The following ARMH1 variants were observed in gnomAD, a reference collection of about 807,000 sequenced individuals.
The protein encoded by ARMH1 is armadillo-like helical domain containing protein 1.
Under a neutral mutation model 50.2 loss-of-function variants are expected in ARMH1, and 34 were observed. The ratio of observed to expected loss-of-function variants is 0.68; its 90% CI spans 0.51 to 0.90. The LOEUF (loss-of-function observed/expected upper bound fraction) is 0.90. Among genes scored for constraint, ARMH1 ranks in the 40% least tolerant of loss-of-function variants. The pLI is 0.00. For synonymous variants in ARMH1, 221 were observed against 224.2 expected (o/e 0.99, Z 0.13); for missense variants, 538 against 553.9 (o/e 0.97, Z 0.29).
At chr1:44,686,398 G>T (rs895797405) in intron 1 of ARMH1, among the ~76,000 whole-genome samples, 2 of 152,198 alleles carry the variant, frequency 1.3e-5, no homozygotes, top group Non-Finnish European at 1.5e-5. Context: ...TTAACCTGCC[G>T]GGCACAGTGG....
chr1:44,704,291 T>C, intron 6 of ARMH1, 118 bp downstream of exon 6: 2 of 749,568 alleles, frequency 2.7e-6, no homozygotes, highest in Middle Eastern at 2.6e-4. Context: ...CCTTGGCAGA[T>C]GGAAGATGCT....
chr1:44,718,463 C>A (rs988489216), intron 6 of ARMH1, among the ~76,000 whole-genome samples: 6 of 152,230 alleles, frequency 3.9e-5, no homozygotes, highest in African/African-American at 1.4e-4. Flanking sequence ...CCGGTGCAGG[C>A]TACGGCTGCC....
intron 1 of ARMH1, among the ~76,000 whole-genome samples, chr1:44,678,049 G>A (rs1462924394): frequency 2.0e-5 from 3 of 152,154 alleles, no homozygotes; most frequent in Admixed American, 1.3e-4. Context: ...GACTGGAGAG[G>A]CTGAGGATGG....
rs190381026 is a variant in ARMH1 at position 44,725,171 on chromosome 1, C to G, written c.1164C>G (p.Ser388Arg). 1.9e-6 allele frequency: 3 copies of G among 1,551,922 alleles called. No individual in the cohort carries two copies. The highest frequency in any genetic ancestry group is 2.6e-6 in the Non-Finnish European group (3 of 1,147,052). ...AGGACTTGTACATGAAAATAGACAG[C>G]ATTCAGGCGGACATCTTGGCGGCCA... is the stretch of plus-strand genomic sequence containing the variant. ...NAEDLYMKID[S>R]IQADILAANT... The change falls in exon 11 of 12, where the codon AGC becomes AGG. Residue 388 changes from serine to arginine, a missense_variant. Physicochemically the swap from Ser to Arg is moderately radical, Grantham distance 110. Transcript: ENST00000535358.
At chr1:44,725,007 G>C (rs1557576806) in intron 10 of ARMH1, 129 bp from the exon 11 acceptor site, 29 of 1,511,904 alleles carry the variant, frequency 1.9e-5, no homozygotes, top group Non-Finnish European at 2.4e-5. Context: ...CCACCTTCCT[G>C]TTCCCTTTCC....
At chr1:44,689,206 TGC>T (rs1645575383) in intron 1 of ARMH1, 1 of 157,860 alleles carries the variant, frequency 6.3e-6, no homozygotes, top group African/African-American at 2.4e-5. Flanking sequence ...GGATTACAGG[TGC>T]CTGCCACCAC....
At position 44,689,876 on chromosome 1, in the gene ARMH1, TA is replaced by T. The variant is rs951610546; in HGVS notation, c.180del (p.Arg61AlafsTer2). ...TCCCAGGGAGCCAGTTTGTTCCTGG[TA>T]CGCTTGACCACCTCGCTTAGAATCA... ...EFSQGASLFL[V>X]RLTTSLRITY... On this transcript the variant is annotated frameshift_variant, in exon 2 of 12. Coordinates refer to ENST00000535358, the MANE Select transcript of ARMH1 (RefSeq NM_001145636.2). LOFTEE classifies it high-confidence loss of function. 145 of 1,550,726 alleles carry T rather than the reference TA, an allele frequency of 9.4e-5. No homozygotes were observed. Among genetic ancestry groups the T allele is most frequent in the Non-Finnish European group, 1.2e-4 (141 of 1,146,936 alleles).
intron 1 of ARMH1, among the ~76,000 whole-genome samples, chr1:44,678,620 G>C (rs1645209974): frequency 1.3e-5 from 2 of 152,102 alleles, no homozygotes; most frequent in South Asian, 4.1e-4. Context: ...TGAGAGTTAG[G>C]AGTCAGGGAC....
At chr1:44,690,313 C>G (rs1456818396) in intron 2 of ARMH1, among the ~76,000 whole-genome samples, 2 of 151,950 alleles carry the variant, frequency 1.3e-5, no homozygotes, top group East Asian at 3.8e-4. Flanking sequence ...TATTTTAGAA[C>G]AGACATCTGG....
intron 6 of ARMH1, among the ~76,000 whole-genome samples, chr1:44,722,485 TCACTTTGGGAG>T (rs554240088): frequency 2.7e-4 from 40 of 149,100 alleles, no homozygotes; most frequent in African/African-American, 9.9e-4. Flanking sequence ...GAGTTCTCGG[TCACTTTGGGAG>T]CACTTTGGGA....
At chr1:44,698,721 G>A (rs945795449) in intron 4 of ARMH1, among the ~76,000 whole-genome samples, 1 of 151,634 alleles carries the variant, frequency 6.6e-6, no homozygotes, top group South Asian at 2.1e-4. Flanking sequence ...GCTAAGGCAG[G>A]AGAATCGCTT....
intron 4 of ARMH1, among the ~76,000 whole-genome samples, chr1:44,700,187 C>T (rs955805556): frequency 3.3e-5 from 5 of 152,188 alleles, no homozygotes; most frequent in African/African-American, 1.2e-4. Flanking sequence ...GTTCTCCTGC[C>T]TGTCTACCCC....
Position 44,725,326 on chromosome 1 carries a change from ACTCT to A in ARMH1, c.1249_1252del (p.Leu417MetfsTer19). 1 of 1,551,516 alleles carries A rather than the reference ACTCT, an allele frequency of 6.4e-7. No homozygotes were observed. The highest frequency in any genetic ancestry group is 2.0e-5 in the Admixed American group (1 of 50,958). ...CCATGGCAGCTCCTACAGCATGAAC[ACTCT>A]CTATGGCTCGCGCGATTCGGCTCAG... On this transcript the variant is annotated frameshift_variant, in exon 12 of 12. Coordinates refer to ENST00000535358, the MANE Select transcript of ARMH1 (RefSeq NM_001145636.2). LOFTEE classifies it low-confidence loss of function (END_TRUNC).
intron 6 of ARMH1, among the ~76,000 whole-genome samples, chr1:44,708,836 G>C (rs1336888305): frequency 6.6e-6 from 1 of 151,912 alleles, no homozygotes; most frequent in African/African-American, 2.4e-5. Flanking sequence ...CCTATCACAG[G>C]CCCTCTCTTC....
chr1:44,680,151 G>T (rs1645260391), intron 1 of ARMH1, among the ~76,000 whole-genome samples: 1 of 152,044 alleles, frequency 6.6e-6, no homozygotes, highest in Non-Finnish European at 1.5e-5. Context: ...TAGAGATGAA[G>T]TTAGATTGGG....
chr1:44,721,891 A>G (rs1647270823), intron 6 of ARMH1: 2 of 152,214 alleles, frequency 1.3e-5, no homozygotes, highest in Non-Finnish European at 2.9e-5. Flanking sequence ...TTATGAAGAG[A>G]AACCAGAGAT....
At position 44,704,016 on chromosome 1, in the gene ARMH1, G is replaced by A. The variant is rs967933594; in HGVS notation, c.640-73G>A. On this transcript the variant is annotated intron_variant, in intron 5 of 11. Transcript: ENST00000535358. The stretch of plus-strand genomic sequence containing the variant: ...GCTGGGATTACAGGCGTGAGCCACC[G>A]CACCCGGCCGGGAATCCATCTTTAA... 2.9e-5 allele frequency: 37 copies of A among 1,291,994 alleles called. No individual in the cohort carries two copies. In the East Asian group the frequency reaches 3.1e-4, roughly 11 times the overall value. 80.0% of individuals were successfully genotyped at this position (1,291,994 alleles called of 1,614,324 possible).
chr1:44,725,374 T>C lies in ARMH1; in HGVS notation c.1294T>C (p.Phe432Leu). 6.4e-7 allele frequency: 1 copy of C among 1,551,588 alleles called. No individual in the cohort carries two copies. Among genetic ancestry groups the C allele is most frequent in the Non-Finnish European group, 8.7e-7 (1 of 1,146,958 alleles). Reference sequence around the variant, plus strand: ...GGCTCAGATGGCCTACCTCACACACTTCGAGGAGGATGTAGAATCAAAGGA... The same window carrying C: ...GGCTCAGATGGCCTACCTCACACACCTCGAGGAGGATGTAGAATCAAAGGA... ...DSAQMAYLTH[F>L]EEDVESKE The change falls in exon 12 of 12, where the codon TTC (phenylalanine) becomes CTC (leucine). Residue 432 changes from phenylalanine to leucine, a missense_variant. Phe to Leu is a conservative substitution (Grantham distance 22). Transcript: ENST00000535358.
rs190844351 is a variant in ARMH1, at chr1:44,682,710, G to A, written c.-22-6966G>A. On this transcript the variant is annotated intron_variant, in intron 1 of 11. Coordinates refer to ENST00000535358, the MANE Select transcript of ARMH1 (RefSeq NM_001145636.2). This position sits in a 1 kb window ranked among gnomAD's most constrained non-coding sequence, Gnocchi z 4.5. ...GGAGGCCGAGGCAGGAGGATTGCTT[G>A]AGCCCAGGAGTTTGACACCAGCCTG... Among the ~76,000 whole-genome samples, 1 of 152,304 alleles carries A rather than the reference G, an allele frequency of 6.6e-6. No homozygotes were observed. The highest frequency in any genetic ancestry group is 1.5e-5 in the Non-Finnish European group (1 of 68,032).
Sources: allele counts gnomAD v4.1 joint callset (sites outside exome capture counted in the v4.1 genomes callset), GRCh38; gene constraint gnomAD v4.1.1; non-coding constraint Gnocchi (gnomAD v3.1); transcripts MANE v1.5; gene names NCBI Gene and HGNC (gene_info 2026-07-23, HGNC 2026-07-21).